Variants in CNTNAP5 observed in about 807,000 individuals in gnomAD.
The protein encoded by CNTNAP5 is contactin associated protein family member 5.
Under a neutral mutation model 150.2 loss-of-function variants are expected in CNTNAP5, and 72 were observed. The ratio of observed to expected loss-of-function variants is 0.48; its 90% CI spans 0.40 to 0.58. The LOEUF is 0.58. Among genes scored for constraint, CNTNAP5 ranks in the 20% least tolerant of loss-of-function variants. The probability of loss-of-function intolerance (pLI) is 0.00; values close to 1 mark genes in which losing one functional copy is unlikely to be tolerated. For missense variants in CNTNAP5, 1,636 were observed against 1,626.2 expected (o/e 1.01, Z -0.10); for synonymous variants, 672 against 619.8 (o/e 1.08, Z -1.25).
intron 21 of CNTNAP5, among the ~76,000 whole-genome samples, chr2:124,870,280 G>A (rs997723881): frequency 1.3e-5 from 2 of 150,416 alleles, no homozygotes; most frequent in African/African-American, 4.9e-5. Context: ...TCACACTTAA[G>A]TGACCTTTTT....
intron 11 of CNTNAP5, among the ~76,000 whole-genome samples, chr2:124,599,916 G>T (rs1696943160): frequency 6.6e-6 from 1 of 151,768 alleles, no homozygotes. Context: ...GGTTAATGTT[G>T]GTAAGTTTAA....
At chr2:124,042,736 A>T (rs116060281) in intron 1 of CNTNAP5, among the ~76,000 whole-genome samples, 1,903 of 151,988 alleles carry the variant, frequency 0.013, 41 homozygotes, top group African/African-American at 0.043. Context: ...ATTCTGTCAA[A>T]TTTTTTCTTT....
chr2:124,860,017 C>T (rs962333289), intron 19 of CNTNAP5, among the ~76,000 whole-genome samples: 1 of 151,636 alleles, frequency 6.6e-6, no homozygotes, highest in Non-Finnish European at 1.5e-5. Context: ...ATGTAACAAA[C>T]CTGTACATTG....
chr2:124,904,030 G>T (rs1403206659), intron 22 of CNTNAP5, among the ~76,000 whole-genome samples: 1 of 140,448 alleles, frequency 7.1e-6, no homozygotes, highest in Non-Finnish European at 1.5e-5. Context: ...CTCCAGCCTG[G>T]GGTATAGAGT....
intron 1 of CNTNAP5, among the ~76,000 whole-genome samples, chr2:124,101,588 G>A (rs1272605282): frequency 1.3e-5 from 2 of 152,168 alleles, no homozygotes; most frequent in African/African-American, 4.8e-5. Context: ...TTTAACACAT[G>A]ACTTGGCCCA....
At chr2:124,222,086 TA>T (rs1311388954) in intron 2 of CNTNAP5, among the ~76,000 whole-genome samples, 1 of 152,138 alleles carries the variant, frequency 6.6e-6, no homozygotes, top group Non-Finnish European at 1.5e-5. Flanking sequence ...GCACTTGCTT[TA>T]TTTTTATATT....
chr2:124,605,858 A>C (rs573249711), intron 11 of CNTNAP5, among the ~76,000 whole-genome samples: 43 of 151,212 alleles, frequency 2.8e-4, no homozygotes, highest in African/African-American at 1.0e-3. Flanking sequence ...AAGAAAGAAT[A>C]GAAAGAATTA....
intron 6 of CNTNAP5, among the ~76,000 whole-genome samples, chr2:124,452,919 A>T (rs1693023659): frequency 6.6e-6 from 1 of 152,160 alleles, no homozygotes; most frequent in African/African-American, 2.4e-5. Flanking sequence ...GCCTACCCAA[A>T]TGAGAAGGAA....
rs56813857 is a variant in CNTNAP5, at chr2:124,299,869, G to C, written c.381+57476G>C. On this transcript the variant is annotated intron_variant, in intron 3 of 23. Transcript: ENST00000682447. ...TGGTGTCTGAGGTCACAAAGACCAT[G>C]GTGAAGGGAAGGACTAATGGATGTG... 2.2e-3 allele frequency among the ~76,000 whole-genome samples: 340 copies of C among 152,280 alleles called. 1 individual carries two copies. Among genetic ancestry groups the C allele is most frequent in the African/African-American group, 7.9e-3 (329 of 41,560 alleles).
At chr2:124,374,733 T>A (rs1430346888) in intron 3 of CNTNAP5, among the ~76,000 whole-genome samples, 1 of 152,034 alleles carries the variant, frequency 6.6e-6, no homozygotes, top group East Asian at 1.9e-4. Flanking sequence ...AATCTTGGTT[T>A]CTAAACAGCA....
intron 21 of CNTNAP5, among the ~76,000 whole-genome samples, chr2:124,875,250 T>C (rs1388089068): frequency 6.6e-6 from 1 of 152,084 alleles, no homozygotes; most frequent in African/African-American, 2.4e-5. Context: ...ATGGCTGCCA[T>C]TTATAGAAAG....
rs527876624 is a variant in CNTNAP5 at position 124,134,750 on chromosome 2, C to T, written c.83-86955C>T. Among the ~76,000 whole-genome samples, 100 of 152,294 alleles carry T rather than the reference C, an allele frequency of 6.6e-4. 1 individual carries two copies. Among genetic ancestry groups the T allele is most frequent in the Admixed American group, 7.2e-4 (11 of 15,304 alleles). On this transcript the variant is annotated intron_variant, in intron 1 of 23. Coordinates refer to ENST00000682447, the MANE Select transcript of CNTNAP5 (RefSeq NM_001367498.1). ...TACATGTACTTGGATTCCCCATCTT[C>T]GCAGCCACCATTTCCCAATATTCTT... is the stretch of plus-strand genomic sequence containing the variant.
At chr2:124,198,306 T>C (rs1280547999) in intron 1 of CNTNAP5, among the ~76,000 whole-genome samples, 1 of 152,194 alleles carries the variant, frequency 6.6e-6, no homozygotes, top group Non-Finnish European at 1.5e-5. Context: ...TTGTCAGTTA[T>C]ATGGTTGCCA....
intron 21 of CNTNAP5, among the ~76,000 whole-genome samples, chr2:124,884,322 C>T (rs1226496255): frequency 6.6e-6 from 1 of 151,908 alleles, no homozygotes; most frequent in East Asian, 1.9e-4. Flanking sequence ...TGTGTATGTG[C>T]ATATTCCTTT....
In CNTNAP5 at chr2:124,790,152, C is replaced by T. The variant is rs201410154; in HGVS notation, c.2992+11C>T. 6.2e-6 allele frequency: 10 copies of T among 1,602,786 alleles called. No homozygotes were observed. Among genetic ancestry groups the T allele is most frequent in the African/African-American group, 2.7e-5 (2 of 74,762 alleles). ...CCTTTTGCAAAAAAGGTACCTTAGG[C>T]GCTCCTGTTTCTCCTGAGTGCAGTG... is the stretch of plus-strand genomic sequence containing the variant. On this transcript the variant is annotated intron_variant, in intron 18 of 23. Coordinates refer to ENST00000682447, the MANE Select transcript of CNTNAP5 (RefSeq NM_001367498.1).
chr2:124,183,744 A>G (rs1256881878), intron 1 of CNTNAP5, among the ~76,000 whole-genome samples: 1 of 152,180 alleles, frequency 6.6e-6, no homozygotes, highest in Admixed American at 6.5e-5. Context: ...CCCATTTTTC[A>G]GTGTAATGTG....
intron 11 of CNTNAP5, among the ~76,000 whole-genome samples, chr2:124,574,158 C>T (rs1392262252): frequency 6.6e-6 from 1 of 152,064 alleles, no homozygotes; most frequent in Non-Finnish European, 1.5e-5. Flanking sequence ...AACCAAGAGG[C>T]AAAACGTCAC....
intron 3 of CNTNAP5, among the ~76,000 whole-genome samples, chr2:124,289,042 C>T (rs1206225747): frequency 6.6e-6 from 1 of 152,102 alleles, no homozygotes; most frequent in African/African-American, 2.4e-5. Flanking sequence ...CAATGATAAC[C>T]ACTACTTGAG....
At chr2:124,484,861 G>C (rs1464260583) in intron 7 of CNTNAP5, among the ~76,000 whole-genome samples, 1 of 152,172 alleles carries the variant, frequency 6.6e-6, no homozygotes, top group Non-Finnish European at 1.5e-5. Flanking sequence ...ACAGACAGCA[G>C]CCCAAGAACT....
Sources: gnomAD v4.1 joint callset for allele counts (sites outside exome capture counted in the v4.1 genomes callset) on GRCh38, gnomAD v4.1.1 for gene constraint, MANE v1.5 for transcripts, NCBI Gene and HGNC (gene_info 2026-07-23, HGNC 2026-07-21) for gene names.